The following RAB3GAP1 variants were observed in gnomAD, a reference collection of about 807,000 sequenced individuals.
The protein encoded by RAB3GAP1 is RAB3 GTPase activating protein catalytic subunit 1, also known as rab3 GTPase-activating protein catalytic subunit.
RAB3GAP1 carries 86 observed loss-of-function variants against 130.7 expected under a neutral mutation model. That is an observed-to-expected ratio of 0.66 (90% CI 0.55 to 0.79). The LOEUF (loss-of-function observed/expected upper bound fraction) is 0.79, where lower values mean the gene tolerates loss of function less well. Ranked by LOEUF, RAB3GAP1 falls within the 30% of genes least tolerant of loss-of-function variation. The probability of loss-of-function intolerance (pLI) is 0.00; values close to 1 mark genes in which losing one functional copy is unlikely to be tolerated. For missense variants in RAB3GAP1, 1,029 were observed against 1,169.4 expected (o/e 0.88, Z 1.75); for synonymous variants, 367 against 401.7 (o/e 0.91, Z 1.03).
chr2:135,145,385 AAC>A (rs1251633706), intron 17 of RAB3GAP1, among the ~76,000 whole-genome samples: 2 of 142,994 alleles, frequency 1.4e-5, no homozygotes, highest in African/African-American at 2.8e-5. Context: ...ACCCCTCACC[AAC>A]ACACACACAC....
chr2:135,056,285 C>CAG (rs1173976127), intron 2 of RAB3GAP1, among the ~76,000 whole-genome samples: 5 of 152,120 alleles, frequency 3.3e-5, no homozygotes, highest in African/African-American at 9.7e-5. Flanking sequence ...TCACTGCAAC[C>CAG]TCTGCCACCT....
At chr2:135,073,350 C>T (rs1380150443) in intron 3 of RAB3GAP1, among the ~76,000 whole-genome samples, 3 of 152,196 alleles carry the variant, frequency 2.0e-5, no homozygotes, top group Non-Finnish European at 2.9e-5. Flanking sequence ...ATTTCATTTG[C>T]ATCCTCAGAG....
At position 135,168,791 on chromosome 2, in the gene RAB3GAP1, C is replaced by G. The variant is rs1692746700; in HGVS notation, c.*10C>G. The G allele has an allele frequency of 6.2e-7, 1 of 1,606,746 alleles. No homozygotes were observed. Among genetic ancestry groups the G allele is most frequent in the South Asian group, 1.1e-5 (1 of 90,912 alleles). On this transcript the variant is annotated 3_prime_UTR_variant, in exon 24 of 24. Coordinates refer to ENST00000264158, the MANE Select transcript of RAB3GAP1 (RefSeq NM_012233.3). Reference sequence around the variant, plus strand: ...TACTTCCTTCTTCTGATTCTTCTAGCATTACTCGTTGGTGGCTTCAGAGAC... The same window carrying G: ...TACTTCCTTCTTCTGATTCTTCTAGGATTACTCGTTGGTGGCTTCAGAGAC...
intron 6 of RAB3GAP1, among the ~76,000 whole-genome samples, chr2:135,114,536 T>C (rs765657847): frequency 3.3e-5 from 5 of 152,224 alleles, no homozygotes; most frequent in African/African-American, 9.6e-5. Context: ...CACTGAGTTA[T>C]CAATTCCTCA....
In RAB3GAP1 at chr2:135,126,190, T is replaced by A; in HGVS notation, c.840T>A (p.His280Gln). 1 of 1,612,158 alleles carries A rather than the reference T, an allele frequency of 6.2e-7. No individual in the cohort carries two copies. The highest frequency in any genetic ancestry group is 8.5e-7 in the Non-Finnish European group (1 of 1,178,444). Residue 280 changes from histidine to glutamine, a missense_variant, in exon 10 of 24, where the codon CAT becomes CAA. By Grantham distance (24) the His-to-Gln change is conservative. Around this residue, in one of 3 missense-constraint regions of RAB3GAP1, gnomAD observed 510 missense variants for 532.1 expected, o/e 0.96. Transcript: ENST00000264158. Reference sequence around the variant, plus strand: ...ATTTTATGTTTTTTAGTGAACTCCATTTAGCTACTACATGGCCTCATCTGA... The same window carrying A: ...ATTTTATGTTTTTTAGTGAACTCCAATTAGCTACTACATGGCCTCATCTGA... ...GACEDPISEL[H>Q]LATTWPHLTE...
rs147178033 is a variant in RAB3GAP1, at chr2:135,066,580, T to G, written c.150+8494T>G. ...CTTCAGAACCCATGTTCTTTCTATT[T>G]TACTCTGTCCTTTTTGGTTTCAGAA... On this transcript the variant is annotated intron_variant, in intron 3 of 23. Coordinates refer to ENST00000264158, the MANE Select transcript of RAB3GAP1 (RefSeq NM_012233.3). 2.6e-5 allele frequency among the ~76,000 whole-genome samples: 4 copies of G among 152,328 alleles called. No individual in the cohort carries two copies. The East Asian group carries it at 7.7e-4, about 29-fold the overall frequency.
intron 17 of RAB3GAP1, among the ~76,000 whole-genome samples, chr2:135,139,077 A>G (rs1239143184): frequency 6.6e-6 from 1 of 152,102 alleles, no homozygotes; most frequent in African/African-American, 2.4e-5. Flanking sequence ...TGAATCGCCT[A>G]TGATTTTTCT....
rs776935145 is a variant in RAB3GAP1 at position 135,168,644 on chromosome 2, C to T, written c.2809C>T (p.Arg937Trp). The change falls in exon 24 of 24, where the codon CGG (arginine) becomes TGG (tryptophan). Residue 937 changes from arginine (R) to tryptophan (W), a missense_variant. Physicochemically the swap from Arg to Trp is moderately radical, Grantham distance 101 (BLOSUM62 -3). Around this residue, in one of 3 missense-constraint regions of RAB3GAP1, gnomAD observed 146 missense variants for 143.7 expected, o/e 1.02. Coordinates refer to ENST00000264158, the MANE Select transcript of RAB3GAP1 (RefSeq NM_012233.3). ...SVSDFPPPAG[R>W]EFILRTTVPR... ...GTCAGACTTCCCACCCCCTGCTGGC[C>T]GGGAATTCATTTTGCGCACCACTGT... The T allele has an allele frequency of 1.6e-5, 26 of 1,614,054 alleles. No individual in the cohort carries two copies. Among genetic ancestry groups the T allele is most frequent in the Middle Eastern group, 1.6e-4 (1 of 6,084 alleles).
intron 5 of RAB3GAP1, among the ~76,000 whole-genome samples, chr2:135,097,031 A>G (rs1020712953): frequency 1.3e-5 from 2 of 152,122 alleles, no homozygotes; most frequent in South Asian, 2.1e-4. Flanking sequence ...TTTAAAATCA[A>G]CGTAGTAAAA....
At chr2:135,089,915 A>G (rs1298961648) in intron 3 of RAB3GAP1, 1 of 309,334 alleles carries the variant, frequency 3.2e-6, no homozygotes, top group East Asian at 1.2e-4. Context: ...GGAGGGAAGC[A>G]TCACACACTG....
chr2:135,119,104 C>G (rs539077061), intron 7 of RAB3GAP1, among the ~76,000 whole-genome samples: 1 of 139,122 alleles, frequency 7.2e-6, no homozygotes, highest in East Asian at 2.5e-4. Flanking sequence ...CCCTTCCTTC[C>G]TTCCTTCTGT....
chr2:135,137,050 A>T (rs552941071), intron 17 of RAB3GAP1: 1 of 255,838 alleles, frequency 3.9e-6, no homozygotes, highest in Admixed American at 4.6e-5. Context: ...TGATGACACC[A>T]CTGTACTCCA....
At chr2:135,109,677 G>T (rs895242569) in intron 5 of RAB3GAP1, among the ~76,000 whole-genome samples, 1 of 151,610 alleles carries the variant, frequency 6.6e-6, no homozygotes, top group Non-Finnish European at 1.5e-5. Context: ...CACTTCCTGG[G>T]TTCACGCCAT....
chr2:135,117,141 C>T (rs1463926429), intron 7 of RAB3GAP1, among the ~76,000 whole-genome samples: 1 of 151,984 alleles, frequency 6.6e-6, no homozygotes, highest in Non-Finnish European at 1.5e-5. Context: ...TTAGCAGTGG[C>T]TTGTGATTAT....
chr2:135,167,868 CA>C (rs1474498496), intron 23 of RAB3GAP1, among the ~76,000 whole-genome samples: 1 of 151,772 alleles, frequency 6.6e-6, no homozygotes, highest in Non-Finnish European at 1.5e-5. Context: ...TTTCCATTGC[CA>C]AAACAATTTT....
At chr2:135,064,136 T>A (rs1458476524) in intron 3 of RAB3GAP1, among the ~76,000 whole-genome samples, 3 of 152,200 alleles carry the variant, frequency 2.0e-5, no homozygotes, top group African/African-American at 4.8e-5. Flanking sequence ...TTTAAAAAAA[T>A]TTTATTTCAG....
Position 135,153,796 on chromosome 2 carries a change from G to A in RAB3GAP1, c.2209G>A (p.Val737Ile). 1.2e-6 allele frequency: 2 copies of A among 1,614,056 alleles called. No individual in the cohort carries two copies. The highest frequency in any genetic ancestry group is 1.7e-6 in the Non-Finnish European group (2 of 1,179,922). ...GATGAAGATTCCAAGCAATATGTGG[G>A]TAGAAGCCTGGGAAACAGCTAAGCC... Reference protein sequence around the residue: ...ARMKIPSNMWVEAWETAKPIP... With the variant: ...ARMKIPSNMWIEAWETAKPIP... Residue 737 changes from valine to isoleucine, a missense_variant, in exon 19 of 24, where the codon GTA becomes ATA. Physicochemically the swap from Val to Ile is conservative, Grantham distance 29. Coordinates refer to ENST00000264158, the MANE Select transcript of RAB3GAP1 (RefSeq NM_012233.3).
At chr2:135,099,094 T>C (rs548807287) in intron 5 of RAB3GAP1, among the ~76,000 whole-genome samples, 1 of 152,182 alleles carries the variant, frequency 6.6e-6, no homozygotes, top group South Asian at 2.1e-4. Flanking sequence ...TCCAGTAAAA[T>C]ATTGAATAGG....
intron 3 of RAB3GAP1, among the ~76,000 whole-genome samples, chr2:135,088,705 A>AAG (rs1316811109): frequency 2.0e-5 from 3 of 151,020 alleles, no homozygotes; most frequent in African/African-American, 4.9e-5. Flanking sequence ...AAAAAAAAAA[A>AAG]AAAGAAAGAA....
Sources: allele counts gnomAD v4.1 joint callset (sites outside exome capture counted in the v4.1 genomes callset), GRCh38; gene constraint gnomAD v4.1.1; regional missense constraint gnomAD v4.1.1; transcripts MANE v1.5; gene names NCBI Gene and HGNC (gene_info 2026-07-23, HGNC 2026-07-21).